MYL1: variants seen among roughly 807,000 people sequenced by gnomAD.
MYL1 encodes myosin light chain 1, also known as myosin light chain 1/3, skeletal muscle isoform.
A neutral mutation model predicts 21.8 loss-of-function variants in MYL1; 16 were observed. That is an observed-to-expected ratio of 0.74 (90% CI 0.50 to 1.12). The LOEUF is 1.12. Among genes scored for constraint, MYL1 ranks in the 50% most tolerant of loss-of-function variants. The pLI, the probability that MYL1 is intolerant of heterozygous loss-of-function variation, is 0.00. For missense variants in MYL1, 246 were observed against 241.0 expected (o/e 1.02, Z -0.14); for synonymous variants, 99 against 85.2 (o/e 1.16, Z -0.89).
chr2:210,306,254 G>T (rs1466325500), intron 1 of MYL1, among the ~76,000 whole-genome samples: 1 of 151,530 alleles, frequency 6.6e-6, no homozygotes, highest in South Asian at 2.1e-4. Context: ...GGTGACATAC[G>T]CCCATAGTCG....
In MYL1 at chr2:210,299,551, G is replaced by C. The variant is rs139011547; in HGVS notation, c.161-988C>G. On this transcript the variant is annotated intron_variant, in intron 2 of 6. Coordinates refer to ENST00000352451, the MANE Select transcript of MYL1 (RefSeq NM_079420.3). ...CTTTTATGAATACATATTTTAAAGT[G>C]TTCTCTATTCTAATTATAATCATTG... 2.0e-3 allele frequency among the ~76,000 whole-genome samples: 299 copies of C among 152,114 alleles called. 2 individuals carry two copies. The highest frequency in any genetic ancestry group is 6.9e-3 in the African/African-American group (285 of 41,494).
At chr2:210,311,252 A>C (rs998646250) in intron 1 of MYL1, among the ~76,000 whole-genome samples, 9 of 152,076 alleles carry the variant, frequency 5.9e-5, no homozygotes, top group Non-Finnish European at 1.0e-4. Flanking sequence ...ACAGATGAAC[A>C]AAAGTAATCC....
intron 1 of MYL1, among the ~76,000 whole-genome samples, chr2:210,307,103 C>T (rs1575706535): frequency 6.6e-6 from 1 of 152,158 alleles, no homozygotes. Context: ...TTGAAAGAAA[C>T]GTTTTCTCTC....
chr2:210,304,123 A>T (rs1690304334), intron 1 of MYL1, among the ~76,000 whole-genome samples: 1 of 152,166 alleles, frequency 6.6e-6, no homozygotes, highest in Non-Finnish European at 1.5e-5. Flanking sequence ...CACATTCTGC[A>T]TGTTTCTTAG....
At chr2:210,292,963 G>A (rs1963089) in intron 5 of MYL1, among the ~76,000 whole-genome samples, 71,070 of 151,726 alleles carry the variant, frequency 0.47, 16,792 homozygotes, top group Middle Eastern at 0.62. Context: ...GATATGCTTG[G>A]CTAAGCCCTT....
At chr2:210,312,309 A>T (rs1308674275) in intron 1 of MYL1, among the ~76,000 whole-genome samples, 1 of 151,970 alleles carries the variant, frequency 6.6e-6, no homozygotes, top group Non-Finnish European at 1.5e-5. Context: ...AAAGTTTATA[A>T]TCCAATTAAG....
Position 210,294,947 on chromosome 2 carries a change from G to A in MYL1, c.305-529C>T, listed in dbSNP as rs1995836. On this transcript the variant is annotated intron_variant, in intron 3 of 6. Coordinates refer to ENST00000352451, the MANE Select transcript of MYL1 (RefSeq NM_079420.3). ...TCCCCAGCTTTTTGAGGGCCTTCCC[G>A]TTCTTTAAATCCTTTCTTTAAATTT... 3.5e-3 allele frequency among the ~76,000 whole-genome samples: 532 copies of A among 151,952 alleles called. 3 individuals carry two copies. Among genetic ancestry groups the A allele is most frequent in the African/African-American group, 0.012 (507 of 41,448 alleles).
chr2:210,309,247 G>T (rs1044670857), intron 1 of MYL1, among the ~76,000 whole-genome samples: 3 of 151,698 alleles, frequency 2.0e-5, no homozygotes, highest in African/African-American at 4.8e-5. Context: ...AAAATTCAAA[G>T]GTAATATTAG....
At chr2:210,302,922 C>A in intron 1 of MYL1, 2 of 865,624 alleles carry the variant, frequency 2.3e-6, no homozygotes, top group South Asian at 1.9e-5. Context: ...TAGAAGGTTG[C>A]CTTAGGATAC....
intron 1 of MYL1, among the ~76,000 whole-genome samples, chr2:210,313,798 G>A (rs1690450419): frequency 6.6e-6 from 1 of 152,008 alleles, no homozygotes; most frequent in South Asian, 2.1e-4. Flanking sequence ...AAATTCTATA[G>A]TTATATTAAA....
rs565050391 is a variant in MYL1, at chr2:210,301,171, T to C, written c.160+1317A>G. Among the ~76,000 whole-genome samples, 20 of 152,264 alleles carry C rather than the reference T, an allele frequency of 1.3e-4. 1 individual carries two copies. In the South Asian group the frequency reaches 4.1e-3, roughly 32 times the overall value. ...AGGACTGGGATGCAGTAGGTGACAATGTAGCAGCATCACTAGTTAAAATGC... is the reference window on the plus strand; with the variant it reads ...AGGACTGGGATGCAGTAGGTGACAACGTAGCAGCATCACTAGTTAAAATGC... On this transcript the variant is annotated intron_variant, in intron 2 of 6. Transcript: ENST00000352451.
At chr2:210,293,941 A>G (rs1057307567) in intron 4 of MYL1, 141 bp from the exon 5 acceptor site, 6 of 749,768 alleles carry the variant, frequency 8.0e-6, no homozygotes, top group Admixed American at 2.5e-5. Flanking sequence ...GGTACTTAAT[A>G]TATTGTCAAC....
intron 1 of MYL1, among the ~76,000 whole-genome samples, chr2:210,310,561 A>G (rs1690403948): frequency 6.6e-6 from 1 of 152,094 alleles, no homozygotes; most frequent in Admixed American, 6.6e-5. Flanking sequence ...AAAAATATCC[A>G]TTTTCCATTT....
chr2:210,314,587 A>G (rs1419311247), intron 1 of MYL1, among the ~76,000 whole-genome samples: 1 of 152,154 alleles, frequency 6.6e-6, no homozygotes, highest in Non-Finnish European at 1.5e-5. Flanking sequence ...AAACCCAAAC[A>G]CTGGTTTAAA....
At chr2:210,310,186 TAAAAG>T (rs1054385330) in intron 1 of MYL1, among the ~76,000 whole-genome samples, 5 of 152,038 alleles carry the variant, frequency 3.3e-5, no homozygotes, top group Non-Finnish European at 7.4e-5. Context: ...AAGGCCAGAG[TAAAAG>T]AAAACAAACT....
intron 5 of MYL1, among the ~76,000 whole-genome samples, chr2:210,293,300 T>A (rs2125738498): frequency 6.6e-6 from 1 of 152,318 alleles, no homozygotes; most frequent in African/African-American, 2.4e-5. Flanking sequence ...AAGTAAATTT[T>A]ACCACCAGCC....
chr2:210,314,850 C>T lies in MYL1; in HGVS notation c.132+61G>A. Reference sequence around the variant, plus strand: ...TGAAAAATACACGCCTTTGCAAGTTCCTAGAGATCCTTACTATTGAAAGAT... The same window carrying T: ...TGAAAAATACACGCCTTTGCAAGTTTCTAGAGATCCTTACTATTGAAAGAT... On this transcript the variant is annotated intron_variant, in intron 1 of 6. Coordinates refer to ENST00000352451, the MANE Select transcript of MYL1 (RefSeq NM_079420.3). The T allele has an allele frequency of 3.1e-6, 5 of 1,590,678 alleles. No homozygotes were observed. In the East Asian group the frequency reaches 8.9e-5, roughly 28 times the overall value.
chr2:210,304,884 G>A (rs2125742863), intron 1 of MYL1, among the ~76,000 whole-genome samples: 1 of 152,280 alleles, frequency 6.6e-6, no homozygotes, highest in Admixed American at 6.5e-5. Flanking sequence ...GGCCAGCAAT[G>A]GGTTTTCATG....
In MYL1 at chr2:210,291,119, A is replaced by C. The variant is rs199734751; in HGVS notation, c.557-45T>G. The C allele has an allele frequency of 2.6e-4, 385 of 1,506,122 alleles. 1 individual carries two copies. The African/African-American group carries it at 4.9e-3, about 19-fold the overall frequency. The allele number at this position is 1,506,122 out of a possible 1,614,324, so 93.3% of individuals were successfully genotyped here. On this transcript the variant is annotated intron_variant, in intron 5 of 6. Coordinates refer to ENST00000352451, the MANE Select transcript of MYL1 (RefSeq NM_079420.3). ...AAAATAGACAATTTAGAGTTAGGAAACAGTCAAATTTAATAAAAGAGAGGT... is the reference window on the plus strand; with the variant it reads ...AAAATAGACAATTTAGAGTTAGGAACCAGTCAAATTTAATAAAAGAGAGGT...
Sources: allele counts gnomAD v4.1 joint callset (sites outside exome capture counted in the v4.1 genomes callset), GRCh38; gene constraint gnomAD v4.1.1; transcripts MANE v1.5; gene names NCBI Gene and HGNC (gene_info 2026-07-23, HGNC 2026-07-21).